The following ACSL6 variants were observed in gnomAD, a reference collection of about 807,000 sequenced individuals.
ACSL6 encodes acyl-CoA synthetase long chain family member 6, also known as long-chain-fatty-acid--CoA ligase 6.
ACSL6 carries 47 observed loss-of-function variants against 98.2 expected under a neutral mutation model. That is an observed-to-expected ratio of 0.48 (90% CI 0.38 to 0.61). The LOEUF is 0.61. Among genes scored for constraint, ACSL6 ranks in the 20% least tolerant of loss-of-function variants. The pLI, the probability that ACSL6 is intolerant of heterozygous loss-of-function variation, is 0.00. For synonymous variants in ACSL6, 362 were observed against 336.9 expected, an observed-to-expected ratio of 1.07 and a Z score of -0.82; for missense variants, 761 against 913.4, an observed-to-expected ratio of 0.83 and a Z score of 2.15.
At chr5:132,002,447 G>A (rs1355945334) in intron 1 of ACSL6, among the ~76,000 whole-genome samples, 1 of 152,070 alleles carries the variant, frequency 6.6e-6, no homozygotes, top group East Asian at 1.9e-4. Flanking sequence ...GATGGGATGC[G>A]ACCTCCTCCA....
chr5:131,977,959 G>A (rs916955927), intron 9 of ACSL6, among the ~76,000 whole-genome samples: 6 of 152,160 alleles, frequency 3.9e-5, no homozygotes, highest in African/African-American at 1.4e-4. Context: ...GGAATGAAGG[G>A]TCCTCTCTCC....
intron 10 of ACSL6, 143 bp downstream of exon 10, chr5:131,976,505 G>A: frequency 2.6e-6 from 2 of 758,440 alleles, no homozygotes. Flanking sequence ...AATGAGAACA[G>A]AAACTCCTGC....
chr5:131,991,080 G>A (rs907639014), intron 2 of ACSL6, 113 bp from the exon 3 acceptor site: 7 of 821,656 alleles, frequency 8.5e-6, no homozygotes, highest in Admixed American at 4.1e-5. Flanking sequence ...CGTGCATGCA[G>A]TTAGCACCGT....
At chr5:132,010,347 C>T (rs77123034) in intron 1 of ACSL6, among the ~76,000 whole-genome samples, 3,563 of 152,260 alleles carry the variant, frequency 0.023, 77 homozygotes, top group East Asian at 0.14. Flanking sequence ...ATTAAAACCT[C>T]GAATGGAATC....
At chr5:131,967,017 G>A (rs1753047658) in intron 16 of ACSL6, among the ~76,000 whole-genome samples, 1 of 152,168 alleles carries the variant, frequency 6.6e-6, no homozygotes, top group Non-Finnish European at 1.5e-5. Context: ...CACAGCAGCA[G>A]GCCATGACAC....
chr5:132,003,316 T>G (rs1755194959), intron 1 of ACSL6, among the ~76,000 whole-genome samples: 1 of 152,134 alleles, frequency 6.6e-6, no homozygotes, highest in Non-Finnish European at 1.5e-5. Flanking sequence ...GCTGCAGCCT[T>G]AAGCTGCTCT....
At chr5:131,975,866 A>C in intron 10 of ACSL6, 1 of 985,438 alleles carries the variant, frequency 1.0e-6, no homozygotes, top group Non-Finnish European at 1.2e-6. Context: ...GCTTGGGCAA[A>C]CCTTGGCTCC....
intron 2 of ACSL6, among the ~76,000 whole-genome samples, chr5:131,991,880 C>G (rs1297840083): frequency 6.6e-6 from 1 of 152,192 alleles, no homozygotes; most frequent in Non-Finnish European, 1.5e-5. Flanking sequence ...AGGCAGCTCC[C>G]GACTGTTTTC....
At position 131,994,101 on chromosome 5, in the gene ACSL6, T is replaced by G; in HGVS notation, c.200A>C (p.Tyr67Ser). The change falls in exon 2 of 21, where the codon TAC becomes TCC. Residue 67 changes from tyrosine (Y) to serine (S), a missense_variant. Physicochemically the swap from Tyr to Ser is moderately radical, Grantham distance 144. Transcript: ENST00000651883. ...SMGALAAILAYWFTHRPKALQ... is the reference protein window; with the variant it reads ...SMGALAAILASWFTHRPKALQ... ...GGCCTTTGGCCGGTGAGTGAACCAGTAGGCAAGGATGGCAGCCAGGGCACC... is the reference window on the plus strand; with the variant it reads ...GGCCTTTGGCCGGTGAGTGAACCAGGAGGCAAGGATGGCAGCCAGGGCACC... 2 of 1,614,106 alleles carry G rather than the reference T, an allele frequency of 1.2e-6. No individual in the cohort carries two copies. The highest frequency in any genetic ancestry group is 1.7e-6 in the Non-Finnish European group (2 of 1,180,034).
intron 20 of ACSL6, among the ~76,000 whole-genome samples, chr5:131,956,398 T>C (rs534598341): frequency 6.6e-6 from 1 of 152,312 alleles, no homozygotes; most frequent in East Asian, 1.9e-4. Context: ...TATAAAATAG[T>C]TCTGCCTGAG....
rs1755713060 is a variant in ACSL6 at position 132,011,309 on chromosome 5, C to T, written c.49+196G>A. On this transcript the variant is annotated intron_variant, in intron 1 of 20. Transcript: ENST00000651883. The surrounding 1 kb of genome is among the most constrained non-coding windows in gnomAD (Gnocchi z 5.4). ...TCTCCCTCCGCAGACCCAGGTGCTC[C>T]CCAAACCCGGCCCGGAGCCCGCGAG... 1 of 641,256 alleles carries T rather than the reference C, an allele frequency of 1.6e-6. No individual in the cohort carries two copies. Among genetic ancestry groups the T allele is most frequent in the Non-Finnish European group, 2.8e-6 (1 of 361,064 alleles). The allele number at this position is 641,256 out of a possible 1,614,324, so 39.7% of individuals were successfully genotyped here.
In ACSL6 at chr5:131,960,839, G is replaced by C. The variant is rs1040513524; in HGVS notation, c.1858-218C>G. The C allele has an allele frequency of 6.6e-6, 3 of 452,058 alleles. No homozygotes were observed. In the Admixed American group the frequency reaches 1.2e-4, roughly 19 times the overall value. The allele number at this position is 452,058 out of a possible 1,614,324, so 28.0% of individuals were successfully genotyped here. ...TTATATGAAAAAATAAGGACATTAA[G>C]AATCAGTAAAGTTAGACTGATATGC... is the stretch of plus-strand genomic sequence containing the variant. On this transcript the variant is annotated intron_variant, in intron 18 of 20. Transcript: ENST00000651883.
chr5:131,971,269 G>C (rs1229533601), intron 14 of ACSL6, among the ~76,000 whole-genome samples: 1 of 152,178 alleles, frequency 6.6e-6, no homozygotes. Context: ...GCACATTGAT[G>C]ATCTGTCTAT....
At chr5:132,009,384 C>A (rs960274087) in intron 1 of ACSL6, among the ~76,000 whole-genome samples, 1 of 152,182 alleles carries the variant, frequency 6.6e-6, no homozygotes, top group African/African-American at 2.4e-5. Context: ...ACCATGGGAC[C>A]CTGGAGATGA....
At chr5:131,973,839 T>C (rs1753459573) in intron 11 of ACSL6, 1 of 157,876 alleles carries the variant, frequency 6.3e-6, no homozygotes, top group Non-Finnish European at 1.4e-5. Context: ...CCATGAGTAC[T>C]GGAGATGCTG....
rs1307530284 is a variant in ACSL6 at position 132,011,530 on chromosome 5, C to A, written c.24G>T (p.Ser8=). 2.5e-6 allele frequency: 4 copies of A among 1,603,752 alleles called. No individual in the cohort carries two copies. The highest frequency in any genetic ancestry group is 3.4e-6 in the Non-Finnish European group (4 of 1,175,582). Reference sequence around the variant, plus strand: ...CTACGAATAGCCAGAGGGAGCCCCCCGACACGAGGAAGAAGGTCAGCATGG... The same window carrying A: ...CTACGAATAGCCAGAGGGAGCCCCCAGACACGAGGAAGAAGGTCAGCATGG... MLTFFLV[S]GGSLWLFVEF... The change falls in exon 1 of 21, where the codon TCG becomes TCT. Residue 8 remains serine (S), a synonymous_variant. Coordinates refer to ENST00000651883, the MANE Select transcript of ACSL6 (RefSeq NM_001009185.3). The surrounding 1 kb of genome is among the most constrained non-coding windows in gnomAD (Gnocchi z 5.4).
At position 131,960,550 on chromosome 5, in the gene ACSL6, T is replaced by G; in HGVS notation, c.1929A>C (p.Glu643Asp). Reference protein sequence around the residue: ...MPSWAQKRGIEGTYADLCTNK... With the variant: ...MPSWAQKRGIDGTYADLCTNK... The stretch of plus-strand genomic sequence containing the variant: ...TTGTGCAGAGATCTGCATATGTTCC[T>G]TCAATTCCTCTCTTCTGGGCCCAGG... The change falls in exon 19 of 21, where the codon GAA becomes GAC. Residue 643 changes from glutamate to aspartate, a missense_variant. Coordinates refer to ENST00000651883, the MANE Select transcript of ACSL6 (RefSeq NM_001009185.3). 6.2e-7 allele frequency: 1 copy of G among 1,614,050 alleles called. No homozygotes were observed. Among genetic ancestry groups the G allele is most frequent in the Non-Finnish European group, 8.5e-7 (1 of 1,179,982 alleles).
At chr5:132,003,510 G>C (rs1341540843) in intron 1 of ACSL6, 1 of 152,254 alleles carries the variant, frequency 6.6e-6, no homozygotes, top group Non-Finnish European at 1.5e-5. Context: ...GAGCGGCAGG[G>C]GAGGGCCTGC....
At position 131,986,832 on chromosome 5, in the gene ACSL6, TG is replaced by T. The variant is rs747927248; in HGVS notation, c.853del (p.Gln285ArgfsTer42). 6.2e-7 allele frequency: 1 copy of T among 1,614,196 alleles called. No homozygotes were observed. The highest frequency in any genetic ancestry group is 1.1e-5 in the South Asian group (1 of 91,076). On this transcript the variant is annotated frameshift_variant, in exon 8 of 21. Coordinates refer to ENST00000651883, the MANE Select transcript of ACSL6 (RefSeq NM_001009185.3). LOFTEE classifies it high-confidence loss of function. ...GGTGAATTCGCTTACCACAGGAGCC[TG>T]GTGATTCTCTTGGCCACAGTCCTGA... ...AVEDCGQENH[Q>X]APVPPQPDDL...
Sources: gnomAD v4.1 joint callset for allele counts (sites outside exome capture counted in the v4.1 genomes callset) on GRCh38, gnomAD v4.1.1 for gene constraint, Gnocchi (gnomAD v3.1) non-coding constraint, MANE v1.5 for transcripts, NCBI Gene and HGNC (gene_info 2026-07-23, HGNC 2026-07-21) for gene names.